SDK1: variants seen among roughly 807,000 people sequenced by gnomAD.
The protein encoded by SDK1 is protein sidekick-1.
A neutral mutation model predicts 245.5 loss-of-function variants in SDK1; 157 were observed. The observed-to-expected ratio is 0.64, with a 90% CI of 0.56 to 0.73. The LOEUF is 0.73. SDK1 is among the 30% of genes least tolerant of loss of function. SDK1 has a pLI of 0.00. For missense variants in SDK1, 3,583 were observed against 3,002.3 expected (o/e 1.19, Z -4.52); for synonymous variants, 1,647 against 1,278.5 (o/e 1.29, Z -6.15).
chr7:4,225,412 C>T (rs1434631639), intron 40 of SDK1, among the ~76,000 whole-genome samples: 5 of 152,174 alleles, frequency 3.3e-5, no homozygotes, highest in African/African-American at 1.2e-4. Flanking sequence ...TGTGGGAGAG[C>T]GGCCTGTGGG....
At chr7:3,610,526 C>T (rs973697437) in intron 1 of SDK1, among the ~76,000 whole-genome samples, 16 of 152,094 alleles carry the variant, frequency 1.1e-4, no homozygotes, top group African/African-American at 2.2e-4. Flanking sequence ...TTTGGAGAAA[C>T]GGGAATTGTA....
At chr7:3,890,256 A>G (rs1781428591) in intron 5 of SDK1, among the ~76,000 whole-genome samples, 1 of 152,238 alleles carries the variant, frequency 6.6e-6, no homozygotes, top group Non-Finnish European at 1.5e-5. Flanking sequence ...GGTAGGCGCT[A>G]GCCACATGGA....
At chr7:4,251,444 C>G (rs986141471) in intron 44 of SDK1, among the ~76,000 whole-genome samples, 2 of 152,228 alleles carry the variant, frequency 1.3e-5, no homozygotes, top group Non-Finnish European at 2.9e-5. Flanking sequence ...CACCAGAGAG[C>G]TGTGAGGACA....
chr7:3,880,515 T>C (rs77763051), intron 5 of SDK1, among the ~76,000 whole-genome samples: 1,958 of 146,720 alleles, frequency 0.013, 37 homozygotes, highest in African/African-American at 0.04. Context: ...CGCAGATGCG[T>C]GGTGACATTT....
intron 28 of SDK1, among the ~76,000 whole-genome samples, chr7:4,143,479 C>T (rs1193020578): frequency 6.6e-6 from 1 of 152,146 alleles, no homozygotes; most frequent in Non-Finnish European, 1.5e-5. Context: ...AGGTGTCCTG[C>T]CATATCCTTG....
intron 32 of SDK1, among the ~76,000 whole-genome samples, chr7:4,164,637 A>T (rs1330369471): frequency 1.3e-5 from 2 of 152,208 alleles, no homozygotes; most frequent in Non-Finnish European, 1.5e-5. Context: ...CTCCTTTCCT[A>T]TAAAGGCAGT....
chr7:3,581,276 A>G (rs1365019296), intron 1 of SDK1, among the ~76,000 whole-genome samples: 1 of 152,218 alleles, frequency 6.6e-6, no homozygotes, highest in Non-Finnish European at 1.5e-5. Flanking sequence ...TATTAATCGA[A>G]TATGATAAAT....
rs980834294 is a variant in SDK1, at chr7:4,129,759, A to G, written c.3940-149A>G. On this transcript the variant is annotated intron_variant, in intron 26 of 44. Transcript: ENST00000404826. ...CCTCCCCAAATGCCAGCATGGACAA[A>G]TTAGATCCAGAAGCCCTGCACACAG... 23 of 1,459,670 alleles carry G rather than the reference A, an allele frequency of 1.6e-5. No homozygotes were observed. In the East Asian group the frequency reaches 5.4e-4, roughly 34 times the overall value. The allele number at this position is 1,459,670 out of a possible 1,614,324, so 90.4% of individuals were successfully genotyped here. A position where few individuals can be genotyped will look rare whatever the true frequency, so the allele number is the denominator to read the frequency against.
At position 3,612,787 on chromosome 7, in the gene SDK1, A is replaced by T. The variant is rs1166116322; in HGVS notation, c.299-6293A>T. ...TGCCCTGGCTGATTACTCCATTCACACTGGCATTCTGGTCCTCCCGGCTGG... is the reference window on the plus strand; with the variant it reads ...TGCCCTGGCTGATTACTCCATTCACTCTGGCATTCTGGTCCTCCCGGCTGG... On this transcript the variant is annotated intron_variant, in intron 1 of 44. Transcript: ENST00000404826. Among the ~76,000 whole-genome samples the T allele has an allele frequency of 2.6e-5, 4 of 152,100 alleles. No homozygotes were observed. The South Asian group carries it at 8.3e-4, about 32-fold the overall frequency.
intron 4 of SDK1, among the ~76,000 whole-genome samples, chr7:3,762,455 AT>A (rs957930079): frequency 6.6e-6 from 1 of 152,178 alleles, no homozygotes; most frequent in African/African-American, 2.4e-5. Context: ...CTAGTACTTC[AT>A]TTTTCTTAAA....
chr7:4,211,912 G>A (rs1784533962), intron 38 of SDK1, among the ~76,000 whole-genome samples: 1 of 152,092 alleles, frequency 6.6e-6, no homozygotes, highest in South Asian at 2.1e-4. Flanking sequence ...CCCGACCCCT[G>A]CTTAGGTGTT....
chr7:3,305,253 C>T (rs1779387251), intron 1 of SDK1, among the ~76,000 whole-genome samples: 1 of 152,250 alleles, frequency 6.6e-6, no homozygotes, highest in South Asian at 2.1e-4. Flanking sequence ...TATCTGGACT[C>T]CACCTCAGAC....
At chr7:3,844,862 A>T (rs559491960) in intron 5 of SDK1, among the ~76,000 whole-genome samples, 1 of 151,788 alleles carries the variant, frequency 6.6e-6, no homozygotes, top group East Asian at 2.0e-4. Context: ...ACAATCCTTT[A>T]TGAGTAGAAC....
intron 1 of SDK1, among the ~76,000 whole-genome samples, chr7:3,615,557 G>C (rs1418575756): frequency 6.6e-6 from 1 of 151,724 alleles, no homozygotes; most frequent in Non-Finnish European, 1.5e-5. Context: ...TTAAGGGACA[G>C]CGACTGTGTC....
chr7:3,380,022 A>G (rs1781446791), intron 1 of SDK1, among the ~76,000 whole-genome samples: 1 of 152,234 alleles, frequency 6.6e-6, no homozygotes, highest in Non-Finnish European at 1.5e-5. Context: ...TTGGGAAGCA[A>G]TATACCAATA....
At chr7:3,970,157 A>G (rs955612783) in intron 11 of SDK1, among the ~76,000 whole-genome samples, 10 of 152,254 alleles carry the variant, frequency 6.6e-5, no homozygotes, top group African/African-American at 2.4e-4. Flanking sequence ...AAAAAGCAAA[A>G]GAATGCTCAC....
intron 1 of SDK1, among the ~76,000 whole-genome samples, chr7:3,600,676 G>A (rs1781227541): frequency 6.7e-6 from 1 of 148,434 alleles, no homozygotes; most frequent in Non-Finnish European, 1.5e-5. Flanking sequence ...AGCCTCCCAT[G>A]TAGCTGGGAC....
intron 4 of SDK1, among the ~76,000 whole-genome samples, chr7:3,781,497 A>T (rs1005375272): frequency 1.3e-5 from 2 of 152,208 alleles, no homozygotes; most frequent in African/African-American, 4.8e-5. Flanking sequence ...ATGTGCAGAT[A>T]ACACAAGGAT....
chr7:4,017,170 G>C lies in SDK1; in HGVS notation c.2421-1G>C. ...CGTGATGGGCTTCCTTCGTGGCGCA[G>C]GTACCGCCTGGCTGGCCTTCCCGGA... On this transcript the variant is annotated splice_acceptor_variant, in intron 16 of 44. Coordinates refer to ENST00000404826, the MANE Select transcript of SDK1 (RefSeq NM_152744.4). LOFTEE classifies it high-confidence loss of function. 1.9e-6 allele frequency: 3 copies of C among 1,607,444 alleles called. No individual in the cohort carries two copies. In the South Asian group the frequency reaches 3.3e-5, roughly 18 times the overall value.
Sources: gnomAD v4.1 joint callset for allele counts (sites outside exome capture counted in the v4.1 genomes callset) on GRCh38, gnomAD v4.1.1 for gene constraint, MANE v1.5 for transcripts, NCBI Gene and HGNC (gene_info 2026-07-23, HGNC 2026-07-21) for gene names.